Variants in PCDHA11 observed in about 807,000 individuals in gnomAD.
PCDHA11 encodes the protein protocadherin alpha-11.
PCDHA11 carries 61 observed loss-of-function variants against 70.3 expected under a neutral mutation model. The observed-to-expected ratio is 0.87, with a 90% CI of 0.71 to 1.07. The LOEUF (loss-of-function observed/expected upper bound fraction) is 1.07. Among genes scored for constraint, PCDHA11 ranks in the 50% least tolerant of loss-of-function variants. PCDHA11 has a pLI of 0.00. For synonymous variants in PCDHA11, 633 were observed against 555.1 expected (o/e 1.14, Z -1.97); for missense variants, 1,324 against 1,237.5 (o/e 1.07, Z -1.05).
intron 1 of PCDHA11, among the ~76,000 whole-genome samples, chr5:140,902,333 T>C (rs1248113110): frequency 6.6e-6 from 1 of 151,758 alleles, no homozygotes; most frequent in Non-Finnish European, 1.5e-5. Context: ...TCACTTCGCC[T>C]GGCCTAGGAA....
intron 1 of PCDHA11, among the ~76,000 whole-genome samples, chr5:140,915,554 G>A (rs1276502641): frequency 6.6e-6 from 1 of 152,036 alleles, no homozygotes; most frequent in Non-Finnish European, 1.5e-5. Context: ...ATAAGATCCA[G>A]AATGATTATC....
rs1554204518 is a variant in PCDHA11 at position 140,927,427 on chromosome 5, G to A, written c.2392-51522G>A. Reference sequence around the variant, plus strand: ...CCTGGACATGGGATCGCGGGTTGACGGCAGCGAATACCCGGAGTTGGTGTT... The same window carrying A: ...CCTGGACATGGGATCGCGGGTTGACAGCAGCGAATACCCGGAGTTGGTGTT... On this transcript the variant is annotated intron_variant, in intron 1 of 3. Transcript: ENST00000398640. 1.2e-6 allele frequency: 2 copies of A among 1,614,114 alleles called. No homozygotes were observed. Among genetic ancestry groups the A allele is most frequent in the Non-Finnish European group, 1.7e-6 (2 of 1,179,974 alleles).
chr5:140,930,072 C>G (rs2086579078), intron 1 of PCDHA11: 1 of 152,132 alleles, frequency 6.6e-6, no homozygotes, highest in Admixed American at 6.5e-5. Flanking sequence ...AACTGTAAGC[C>G]TCTCTCATAA....
At chr5:140,951,487 G>A (rs1563250651) in intron 1 of PCDHA11, among the ~76,000 whole-genome samples, 1 of 151,938 alleles carries the variant, frequency 6.6e-6, no homozygotes, top group Non-Finnish European at 1.5e-5. Flanking sequence ...CAAGAATCAT[G>A]GTGGAAGGCA....
intron 1 of PCDHA11, chr5:140,968,169 G>A (rs781969621): frequency 6.8e-6 from 11 of 1,613,982 alleles, no homozygotes; most frequent in African/African-American, 1.3e-5. Context: ...AATCCACCAA[G>A]CTTCCTGGAG....
rs567582281 is a variant in PCDHA11 at position 140,946,595 on chromosome 5, G to C, written c.2392-32354G>C. ...CTTAGGTGTTCATAGTGGATGAATA[G>C]ATAAAGAAAATGTGAAATATATATA... On this transcript the variant is annotated intron_variant, in intron 1 of 3. Transcript: ENST00000398640. Among the ~76,000 whole-genome samples, 13 of 108,580 alleles carry C rather than the reference G, an allele frequency of 1.2e-4. No homozygotes were observed. In the South Asian group the frequency reaches 1.5e-3, roughly 12 times the overall value. 71.2% of individuals were successfully genotyped at this position (108,580 alleles called of 152,430 possible).
intron 2 of PCDHA11, among the ~76,000 whole-genome samples, chr5:140,980,561 C>T (rs1430874214): frequency 6.6e-6 from 1 of 151,974 alleles, no homozygotes; most frequent in Admixed American, 6.6e-5. Context: ...ACCCGGGAGG[C>T]GGAAGTTGCA....
At chr5:140,947,811 A>G (rs1554218329) in intron 1 of PCDHA11, among the ~76,000 whole-genome samples, 1 of 151,582 alleles carries the variant, frequency 6.6e-6, no homozygotes, top group Admixed American at 6.6e-5. Flanking sequence ...TGCAGAGACT[A>G]TTTCTTCCTT....
chr5:140,904,522 C>T (rs1241157884), intron 1 of PCDHA11, among the ~76,000 whole-genome samples: 1 of 151,956 alleles, frequency 6.6e-6, no homozygotes, highest in Admixed American at 6.6e-5. Flanking sequence ...CTGCTATAAA[C>T]TTGTGTGTTC....
chr5:140,924,736 A>C (rs1554202112), intron 1 of PCDHA11, among the ~76,000 whole-genome samples: 1 of 151,866 alleles, frequency 6.6e-6, no homozygotes, highest in Non-Finnish European at 1.5e-5. Flanking sequence ...CTCTAATAAA[A>C]ATACAAAAAT....
At chr5:140,959,602 CT>C (rs1554224184) in intron 1 of PCDHA11, among the ~76,000 whole-genome samples, 1 of 152,008 alleles carries the variant, frequency 6.6e-6, no homozygotes, top group Admixed American at 6.6e-5. Flanking sequence ...GTATAACATG[CT>C]TTTCTTGCTT....
At chr5:140,876,368 CA>C in intron 1 of PCDHA11, 1 of 1,613,904 alleles carries the variant, frequency 6.2e-7, no homozygotes. Flanking sequence ...AATCCAGACA[CA>C]GGTGAAATTA....
At chr5:140,974,799 A>G (rs116037205) in intron 1 of PCDHA11, among the ~76,000 whole-genome samples, 2 of 152,294 alleles carry the variant, frequency 1.3e-5, no homozygotes, top group African/African-American at 2.4e-5. Context: ...TCATTTTGAT[A>G]TACTAGAAGA....
chr5:140,962,143 G>C (rs964011627), intron 1 of PCDHA11, among the ~76,000 whole-genome samples: 1 of 151,968 alleles, frequency 6.6e-6, no homozygotes, highest in Non-Finnish European at 1.5e-5. Flanking sequence ...CCAAAGTGCT[G>C]GGATTACAGG....
At chr5:140,951,312 A>G (rs1316911878) in intron 1 of PCDHA11, among the ~76,000 whole-genome samples, 1 of 152,146 alleles carries the variant, frequency 6.6e-6, no homozygotes, top group Non-Finnish European at 1.5e-5. Flanking sequence ...TTAATGTGTT[A>G]TTCTTGAGAT....
At position 141,010,264 on chromosome 5, in the gene PCDHA11, G is replaced by A. The variant is rs1265692233; in HGVS notation, c.*327G>A. On this transcript the variant is annotated 3_prime_UTR_variant, in exon 4 of 4. Transcript: ENST00000398640. ...GGTTGGACTCTCTGCCCTGTGCTCC[G>A]GGGATCCTGTCTTGATGACACTTGC... The A allele has an allele frequency of 1.4e-5, 22 of 1,551,586 alleles. No individual in the cohort carries two copies. The highest frequency in any genetic ancestry group is 1.1e-4 in the South Asian group (9 of 84,060).
intron 1 of PCDHA11, among the ~76,000 whole-genome samples, chr5:140,959,354 A>C (rs1021119947): frequency 2.0e-5 from 3 of 152,244 alleles, no homozygotes; most frequent in African/African-American, 7.2e-5. Context: ...CAGCGGGACA[A>C]CTGAGTGAGA....
In PCDHA11 at chr5:140,882,301, G is replaced by A. The variant is rs145574763; in HGVS notation, c.2391+10807G>A. 188 of 1,613,800 alleles carry A rather than the reference G, an allele frequency of 1.2e-4. No homozygotes were observed. In the African/African-American group the frequency reaches 2.1e-3, roughly 18 times the overall value. Reference sequence around the variant, plus strand: ...CTTCCTGGCAAGGAGGCCCAAGACCGCGGCAACTACTGCTCTGGCTTCTGA... The same window carrying A: ...CTTCCTGGCAAGGAGGCCCAAGACCACGGCAACTACTGCTCTGGCTTCTGA... On this transcript the variant is annotated intron_variant, in intron 1 of 3. Coordinates refer to ENST00000398640, the MANE Select transcript of PCDHA11 (RefSeq NM_018902.5).
chr5:141,006,507 C>T (rs2098276539), intron 3 of PCDHA11, among the ~76,000 whole-genome samples: 1 of 152,156 alleles, frequency 6.6e-6, no homozygotes, highest in Admixed American at 6.5e-5. Flanking sequence ...GCCACCGCGC[C>T]TGGCTGTTAT....
Sources: allele counts gnomAD v4.1 joint callset (sites outside exome capture counted in the v4.1 genomes callset), GRCh38; gene constraint gnomAD v4.1.1; transcripts MANE v1.5; gene names NCBI Gene and HGNC (gene_info 2026-07-23, HGNC 2026-07-21).